The following F12 variants were observed in gnomAD, a reference collection of about 807,000 sequenced individuals.
The protein encoded by F12 is Hageman factor.
A neutral mutation model predicts 74.8 loss-of-function variants in F12; 70 were observed. The observed-to-expected ratio is 0.94, with a 90% CI of 0.77 to 1.14. The LOEUF (loss-of-function observed/expected upper bound fraction) is 1.14, where lower values mean the gene tolerates loss of function less well. F12 is among the 50% of genes most tolerant of loss of function. The probability of loss-of-function intolerance (pLI) is 0.00; values close to 1 mark genes in which losing one functional copy is unlikely to be tolerated. For synonymous variants in F12, 373 were observed against 356.4 expected (o/e 1.05, Z -0.52); for missense variants, 811 against 835.7 (o/e 0.97, Z 0.36).
intron 12 of F12, 72 bp from the exon 13 acceptor site, chr5:177,402,770 T>C: frequency 1.9e-6 from 3 of 1,581,422 alleles, no homozygotes; most frequent in Non-Finnish European, 8.6e-7. Flanking sequence ...ACAAAGCTGC[T>C]CCAGGCGCTT....
rs1038481245 is a variant in F12 at position 177,403,846 on chromosome 5, G to A, written c.1250+13C>T. The A allele has an allele frequency of 6.6e-7, 1 of 1,515,146 alleles. No individual in the cohort carries two copies. The highest frequency in any genetic ancestry group is 8.8e-7 in the Non-Finnish European group (1 of 1,131,480). 93.9% of individuals were successfully genotyped at this position (1,515,146 alleles called of 1,614,324 possible). On this transcript the variant is annotated intron_variant, in intron 10 of 13. Transcript: ENST00000253496. ...GCGGCCCCTGGGGCGGCTCTGGGCG[G>A]GCGGGTACTCGCCGGTCCTGCAGGC...
Position 177,403,318 on chromosome 5 carries a change from G to A in F12, c.1467C>T (p.Ser489=), listed in dbSNP as rs1392084026. 2 of 1,599,366 alleles carry A rather than the reference G, an allele frequency of 1.3e-6. No homozygotes were observed. The highest frequency in any genetic ancestry group is 4.5e-5 in the East Asian group (2 of 44,856). The change falls in exon 12 of 14, where the codon AGC becomes AGT. Residue 489 remains serine (S), a synonymous_variant. Coordinates refer to ENST00000253496, the MANE Select transcript of F12 (RefSeq NM_000505.4). ...SPYVQPVCLP[S]GAARPSETTL... is the part of the protein sequence containing the mutation. ...TGGTCTCGGAGGGTCGCGCGGCGCC[G>A]CTTGGCAGGCACACCGGCTGAACGT...
intron 12 of F12, 111 bp downstream of exon 12, chr5:177,403,143 G>A: frequency 1.4e-6 from 2 of 1,430,266 alleles, no homozygotes; most frequent in Non-Finnish European, 9.7e-7. Flanking sequence ...TCAGGTCAGC[G>A]CCACCCATTC....
rs1418708514 is a variant in F12, at chr5:177,404,672, G to A, written c.635-8C>T. The stretch of plus-strand genomic sequence containing the variant: ...AGCAGCTTGCCTTGGTGTCTGAGGA[G>A]AAAGGGGGCTCCCTGGGCAGCCAAG... On this transcript the variant is annotated splice_region_variant and splice_polypyrimidine_tract_variant and intron_variant, in intron 7 of 13. Transcript: ENST00000253496. 6.2e-7 allele frequency: 1 copy of A among 1,606,594 alleles called. No homozygotes were observed. Among genetic ancestry groups the A allele is most frequent in the Non-Finnish European group, 8.5e-7 (1 of 1,179,750 alleles).
chr5:177,408,555 G>A (rs1445243102), intron 2 of F12, among the ~76,000 whole-genome samples: 1 of 152,220 alleles, frequency 6.6e-6, no homozygotes, highest in Non-Finnish European at 1.5e-5. Flanking sequence ...GAGGTTTACT[G>A]TTATCAACCT....
intron 2 of F12, among the ~76,000 whole-genome samples, chr5:177,407,263 A>AT (rs1763314786): frequency 6.6e-6 from 1 of 152,232 alleles, no homozygotes; most frequent in Non-Finnish European, 1.5e-5. Context: ...GTTCACTGTG[A>AT]TTTTATAGAA....
rs1280601896 is a variant in F12 at position 177,402,361 on chromosome 5, G to T, written c.1779C>A (p.Arg593=). 6.2e-7 allele frequency: 1 copy of T among 1,613,770 alleles called. No individual in the cohort carries two copies. The change falls in exon 14 of 14, where the codon CGC becomes CGA. Residue 593 remains arginine (R), a synonymous_variant. Transcript: ENST00000253496. ...CATCGGTGTAGACGCCTGGCTTGTT[G>T]CGGTCACCACAGCCCGATCCCCAGC... ...IISWGSGCGD[R]NKPGVYTDVA...
intron 6 of F12, 27 bp from the exon 7 acceptor site, chr5:177,404,941 C>T (rs1218073932): frequency 6.3e-7 from 1 of 1,588,602 alleles, no homozygotes; most frequent in South Asian, 1.1e-5. Flanking sequence ...AGTGAGCCAC[C>T]CCTGGGCCTA....
chr5:177,402,750 C>T (rs748181952), intron 12 of F12, 52 bp from the exon 13 acceptor site: 1 of 1,600,438 alleles, frequency 6.2e-7, no homozygotes, highest in Non-Finnish European at 8.5e-7. Flanking sequence ...GCTTGCCGCC[C>T]GGACGATGGA....
chr5:177,403,608 G>C lies in F12; in HGVS notation c.1260C>G (p.Pro420=). 3 of 1,605,298 alleles carry C rather than the reference G, an allele frequency of 1.9e-6. No individual in the cohort carries two copies. Among genetic ancestry groups the C allele is most frequent in the Non-Finnish European group, 2.5e-6 (3 of 1,179,302 alleles). The change falls in exon 11 of 14, where the codon CCC becomes CCG. Residue 420 remains proline (P), a synonymous_variant. Transcript: ENST00000253496. ...GGCCGAGCACCACCGTCAGATCCTCGGGTGCGGGCCTGCGGGGGGGGTAGG... is the reference window on the plus strand; with the variant it reads ...GGCCGAGCACCACCGTCAGATCCTCCGGTGCGGGCCTGCGGGGGGGGTAGG... ...AAHCLQDRPA[P]EDLTVVLGQE...
In F12 at chr5:177,404,391, G is replaced by A; in HGVS notation, c.823C>T (p.Pro275Ser). The change falls in exon 9 of 14, where the codon CCG (proline) becomes TCG (serine). Residue 275 changes from proline to serine, a missense_variant. Transcript: ENST00000253496. Reference sequence around the variant, plus strand: ...TCGCGGTTCAGCACGAAGCACCACGGGCGGATGTCGTTGTCCGGGTTCCTG... The same window carrying A: ...TCGCGGTTCAGCACGAAGCACCACGAGCGGATGTCGTTGTCCGGGTTCCTG... The part of the protein sequence containing the change: ...FCRNPDNDIR[P>S]WCFVLNRDRL... The A allele has an allele frequency of 1.9e-6, 3 of 1,612,102 alleles. No individual in the cohort carries two copies. Among genetic ancestry groups the A allele is most frequent in the Non-Finnish European group, 2.5e-6 (3 of 1,179,710 alleles).
intron 10 of F12, 77 bp downstream of exon 10, chr5:177,403,782 G>A: frequency 6.9e-7 from 1 of 1,454,824 alleles, no homozygotes; most frequent in Non-Finnish European, 9.1e-7. Context: ...GCACGGGTTC[G>A]GGTGCAGCGT....
chr5:177,405,152 A>G lies in F12; in HGVS notation c.431T>C (p.Phe144Ser). Residue 144 changes from phenylalanine to serine, a missense_variant, in exon 6 of 14, where the codon TTC becomes TCC. Phe to Ser is a radical substitution (Grantham distance 155). Transcript: ENST00000253496. ...KCFEPQLLRF[F>S]HKNEIWYRTE... ...TCTATACCATATCTCATTCTTGTGG[A>G]AAAACCGGAGAAGCTGAGGCTCAAA... The G allele has an allele frequency of 6.2e-7, 1 of 1,613,962 alleles. No individual in the cohort carries two copies. Among genetic ancestry groups the G allele is most frequent in the Non-Finnish European group, 8.5e-7 (1 of 1,180,030 alleles).
At position 177,403,998 on chromosome 5, in the gene F12, T is replaced by A. The variant is rs2127359762; in HGVS notation, c.1111A>T (p.Thr371Ser). Residue 371 changes from threonine to serine, a missense_variant, in exon 10 of 14, where the codon ACC becomes TCC. Physicochemically the swap from Thr to Ser is moderately conservative, Grantham distance 58. Coordinates refer to ENST00000253496, the MANE Select transcript of F12 (RefSeq NM_000505.4). ...GCCACCAGCCCGCCAACGACGCGGG[T>A]CATCGAAGACAGACTCTTGCGGAGC... ...QRLRKSLSSM[T>S]RVVGGLVALR... The A allele has an allele frequency of 6.2e-7, 1 of 1,602,698 alleles. No homozygotes were observed. Among genetic ancestry groups the A allele is most frequent in the Non-Finnish European group, 8.5e-7 (1 of 1,179,616 alleles).
Position 177,404,655 on chromosome 5 carries a change from G to A in F12, c.644C>T (p.Ala215Val). 1 of 1,606,618 alleles carries A rather than the reference G, an allele frequency of 6.2e-7. No homozygotes were observed. The highest frequency in any genetic ancestry group is 8.5e-7 in the Non-Finnish European group (1 of 1,179,804). ...TGAFCDVDTK[A>V]SCYDGRGLSY... ...GAGCCCGCGGCCATCATAGCAGCTT[G>A]CCTTGGTGTCTGAGGAGAAAGGGGG... The change falls in exon 8 of 14, where the codon GCA becomes GTA. Residue 215 changes from alanine to valine, a missense_variant. Physicochemically the swap from Ala to Val is moderately conservative, Grantham distance 64. Coordinates refer to ENST00000253496, the MANE Select transcript of F12 (RefSeq NM_000505.4).
chr5:177,405,218 A>C, intron 5 of F12, 33 bp from the exon 6 acceptor site: 1 of 1,613,484 alleles, frequency 6.2e-7, no homozygotes. Flanking sequence ...GTCTCAGGAG[A>C]GTCTAGGACC....
Position 177,403,628 on chromosome 5 carries a change from G to C in F12, c.1251-11C>G, listed in dbSNP as rs368092730. 7 of 1,600,648 alleles carry C rather than the reference G, an allele frequency of 4.4e-6. No individual in the cohort carries two copies. The highest frequency in any genetic ancestry group is 8.5e-7 in the Non-Finnish European group (1 of 1,178,470). On this transcript the variant is annotated splice_polypyrimidine_tract_variant and intron_variant, in intron 10 of 13. Transcript: ENST00000253496. ...TCCTCGGGTGCGGGCCTGCGGGGGG[G>C]GTAGGGGAGAGGCAGCGCTCTCAGA...
chr5:177,406,041 G>A lies in F12; in HGVS notation c.136C>T (p.Pro46Ser), dbSNP rs1294834578. The change falls in exon 3 of 14, where the codon CCC (proline) becomes TCC (serine). Residue 46 changes from proline (P) to serine (S), a missense_variant. By Grantham distance (74) the Pro-to-Ser change is moderately conservative. Coordinates refer to ENST00000253496, the MANE Select transcript of F12 (RefSeq NM_000505.4). The part of the protein sequence containing the change: ...HTVVLTVTGE[P>S]CHFPFQYHRQ... ...TGGTACTGGAAGGGGAAGTGGCAGG[G>A]CTCCCCGGTGACAGTGAGAACTGCA... 1.3e-5 allele frequency: 21 copies of A among 1,613,936 alleles called. No homozygotes were observed. The highest frequency in any genetic ancestry group is 7.6e-6 in the Non-Finnish European group (9 of 1,180,018).
At chr5:177,407,299 T>G (rs1206127434) in intron 2 of F12, among the ~76,000 whole-genome samples, 1 of 152,232 alleles carries the variant, frequency 6.6e-6, no homozygotes, top group Non-Finnish European at 1.5e-5. Flanking sequence ...TAATGAGAAT[T>G]GCCTGTGTCT....
Sources: allele counts gnomAD v4.1 joint callset (sites outside exome capture counted in the v4.1 genomes callset), GRCh38; gene constraint gnomAD v4.1.1; transcripts MANE v1.5; gene names NCBI Gene and HGNC (gene_info 2026-07-23, HGNC 2026-07-21).